ADCY1: variants seen among roughly 807,000 people sequenced by gnomAD.
ADCY1 encodes the protein adenylate cyclase 1, also known as adenylate cyclase type 1.
ADCY1 carries 28 observed loss-of-function variants against 105.4 expected under a neutral mutation model. That is an observed-to-expected ratio of 0.27 (90% confidence interval 0.20 to 0.36). The LOEUF (loss-of-function observed/expected upper bound fraction) is 0.36. Among genes scored for constraint, ADCY1 ranks in the 10% least tolerant of loss-of-function variants. The pLI is 1.00. For missense variants in ADCY1, 977 were observed against 1,434.2 expected (o/e 0.68, Z 5.15); for synonymous variants, 655 against 623.8 (o/e 1.05, Z -0.75).
chr7:45,664,278 C>T (rs1037200268), intron 8 of ADCY1: 6 of 1,535,936 alleles, frequency 3.9e-6, no homozygotes, highest in Non-Finnish European at 2.6e-6. Context: ...CATCTGATGC[C>T]TCTCCTGTAG....
intron 4 of ADCY1, among the ~76,000 whole-genome samples, chr7:45,624,751 C>T (rs578230034): frequency 6.6e-6 from 1 of 152,276 alleles, no homozygotes; most frequent in Non-Finnish European, 1.5e-5. Context: ...CCTGGGCCTG[C>T]TCCTTGCTTC....
rs138372650 is a variant in ADCY1, at chr7:45,585,528, C to T, written c.640-7231C>T. Among the ~76,000 whole-genome samples the T allele has an allele frequency of 7.6e-3, 1,146 of 150,798 alleles. 20 individuals carry two copies. The highest frequency in any genetic ancestry group is 0.026 in the African/African-American group (1,082 of 40,960). On this transcript the variant is annotated intron_variant, in intron 1 of 19. Transcript: ENST00000297323. ...GCGCGATCTCATCTCACTGCATCCT[C>T]TGCCTCCTGGGTTCAAGTGATTCTC...
intron 3 of ADCY1, among the ~76,000 whole-genome samples, chr7:45,616,043 A>T (rs1006907284): frequency 2.0e-5 from 3 of 152,224 alleles, no homozygotes; most frequent in African/African-American, 7.2e-5. Context: ...AAAAAGGATC[A>T]TAAGAGACTA....
chr7:45,688,644 A>G (rs940181783), intron 14 of ADCY1, among the ~76,000 whole-genome samples: 6 of 152,172 alleles, frequency 3.9e-5, no homozygotes, highest in Admixed American at 3.9e-4. Context: ...ATATACATAC[A>G]TCACACACAC....
chr7:45,656,511 T>C (rs1241829175), intron 5 of ADCY1, among the ~76,000 whole-genome samples: 1 of 152,058 alleles, frequency 6.6e-6, no homozygotes. Flanking sequence ...TGTGCTATGG[T>C]TTTTGGGCAC....
At chr7:45,616,234 T>G (rs1793734077) in intron 3 of ADCY1, among the ~76,000 whole-genome samples, 1 of 152,212 alleles carries the variant, frequency 6.6e-6, no homozygotes, top group Non-Finnish European at 1.5e-5. Flanking sequence ...GTTTCACTGG[T>G]AAATTCTACC....
chr7:45,599,449 A>G (rs1291010948), intron 2 of ADCY1, among the ~76,000 whole-genome samples: 1 of 150,298 alleles, frequency 6.7e-6, no homozygotes, highest in African/African-American at 2.5e-5. Flanking sequence ...CTTGTGCGTC[A>G]CAGTTTGCTC....
In ADCY1 at chr7:45,595,877, G is replaced by A. The variant is rs138562738; in HGVS notation, c.789+2969G>A. 2.0e-5 allele frequency among the ~76,000 whole-genome samples: 3 copies of A among 152,364 alleles called. No individual in the cohort carries two copies. The East Asian group carries it at 5.8e-4, about 29-fold the overall frequency. On this transcript the variant is annotated intron_variant, in intron 2 of 19. Transcript: ENST00000297323. Reference sequence around the variant, plus strand: ...TGTCGATTCCCTTTGAGCCTACAGGGTTGTATCTCACAATAACTGTCTGCC... The same window carrying A: ...TGTCGATTCCCTTTGAGCCTACAGGATTGTATCTCACAATAACTGTCTGCC...
At chr7:45,627,315 C>T (rs1045837856) in intron 4 of ADCY1, among the ~76,000 whole-genome samples, 2 of 152,208 alleles carry the variant, frequency 1.3e-5, no homozygotes, top group African/African-American at 4.8e-5. Context: ...GCCATCTTTT[C>T]TCTAGGTCTC....
At chr7:45,602,892 A>G (rs944131255) in intron 2 of ADCY1, among the ~76,000 whole-genome samples, 2 of 152,206 alleles carry the variant, frequency 1.3e-5, no homozygotes, top group African/African-American at 4.8e-5. Flanking sequence ...ACAATAATCT[A>G]AATTTAGGAT....
Position 45,708,412 on chromosome 7 carries a change from C to T in ADCY1, c.2880C>T (p.Asp960=), listed in dbSNP as rs557355121. ...CGGACTTTGCCATTGAGATGTTTGACGTTCTGGATGAAATCAACTACCAGT... is the reference window on the plus strand; with the variant it reads ...CGGACTTTGCCATTGAGATGTTTGATGTTCTGGATGAAATCAACTACCAGT... ...TLADFAIEMF[D]VLDEINYQSY... Residue 960 remains aspartate (D), a synonymous_variant, in exon 18 of 20, where the codon GAC becomes GAT. Transcript: ENST00000297323. The surrounding 1 kb of genome is among the most constrained non-coding windows in gnomAD (Gnocchi z 4.7). The T allele has an allele frequency of 1.6e-5, 26 of 1,614,212 alleles. No individual in the cohort carries two copies. Among genetic ancestry groups the T allele is most frequent in the African/African-American group, 1.1e-4 (8 of 75,060 alleles).
At chr7:45,590,619 C>T (rs1792886078) in intron 1 of ADCY1, among the ~76,000 whole-genome samples, 1 of 152,150 alleles carries the variant, frequency 6.6e-6, no homozygotes, top group Admixed American at 6.5e-5. Flanking sequence ...GGTATCCACA[C>T]CATGATGACA....
At chr7:45,650,121 A>G (rs916524085) in intron 5 of ADCY1, among the ~76,000 whole-genome samples, 2 of 152,194 alleles carry the variant, frequency 1.3e-5, no homozygotes, top group African/African-American at 4.8e-5. Context: ...TGCATCTCAG[A>G]TGACATCATA....
intron 3 of ADCY1, among the ~76,000 whole-genome samples, chr7:45,618,091 C>A (rs527903875): frequency 6.6e-6 from 1 of 152,244 alleles, no homozygotes; most frequent in African/African-American, 2.4e-5. Context: ...TTTTAGCCAA[C>A]TGATTTTTGA....
Position 45,693,316 on chromosome 7 carries a change from C to T in ADCY1, c.2454+6643C>T, listed in dbSNP as rs1415143687. Among the ~76,000 whole-genome samples the T allele has an allele frequency of 2.1e-5, 3 of 145,506 alleles. No individual in the cohort carries two copies. In the East Asian group the frequency reaches 6.0e-4, roughly 29 times the overall value. On this transcript the variant is annotated intron_variant, in intron 14 of 19. Transcript: ENST00000297323. ...TTCTCTTTTTTGGTTGTGTCTCTGC[C>T]CGGCTTTGGTATCAGAATGATGCTG...
At chr7:45,622,385 C>T (rs539510129) in intron 3 of ADCY1, among the ~76,000 whole-genome samples, 1 of 152,140 alleles carries the variant, frequency 6.6e-6, no homozygotes, top group Non-Finnish European at 1.5e-5. Context: ...TGGGGGATGG[C>T]GAGCTCTGAA....
rs186585632 is a variant in ADCY1, at chr7:45,592,827, G to A, written c.708G>A (p.Glu236=). The A allele has an allele frequency of 2.0e-5, 32 of 1,614,242 alleles. No homozygotes were observed. The Admixed American group carries it at 3.7e-4, about 18-fold the overall frequency. Residue 236 remains glutamate (E), a synonymous_variant, in exon 2 of 20, where the codon GAG becomes GAA. Coordinates refer to ENST00000297323, the MANE Select transcript of ADCY1 (RefSeq NM_021116.4). The part of the protein sequence containing the change: ...MYGVFVRILT[E]RSQRKAFLQA... ...GGGTCTTTGTGCGGATTCTGACTGAGCGTTCACAGAGGAAGGCGTTCCTGC... is the reference window on the plus strand; with the variant it reads ...GGGTCTTTGTGCGGATTCTGACTGAACGTTCACAGAGGAAGGCGTTCCTGC...
intron 4 of ADCY1, among the ~76,000 whole-genome samples, chr7:45,636,540 G>T (rs184447954): frequency 7.9e-5 from 12 of 152,186 alleles, no homozygotes; most frequent in African/African-American, 2.9e-4. Flanking sequence ...TAGTCTGTTT[G>T]TGTGTGTTCG....
chr7:45,634,040 C>T (rs73694824), intron 4 of ADCY1, among the ~76,000 whole-genome samples: 2 of 152,000 alleles, frequency 1.3e-5, no homozygotes, highest in African/African-American at 4.8e-5. Flanking sequence ...CACTCCTAAC[C>T]TGTGTTTTGT....
Sources: gnomAD v4.1 joint callset for allele counts (sites outside exome capture counted in the v4.1 genomes callset) on GRCh38, gnomAD v4.1.1 for gene constraint, Gnocchi (gnomAD v3.1) non-coding constraint, MANE v1.5 for transcripts, NCBI Gene and HGNC (gene_info 2026-07-23, HGNC 2026-07-21) for gene names.